Variants in GUCY2D observed in about 807,000 individuals in gnomAD.
GUCY2D encodes the protein retinal guanylyl cyclase 1.
GUCY2D carries 70 observed loss-of-function variants against 101.3 expected under a neutral mutation model. The observed-to-expected ratio is 0.69, with a 90% CI of 0.57 to 0.84. The LOEUF is 0.84. Among genes scored for constraint, GUCY2D ranks in the 40% least tolerant of loss-of-function variants. GUCY2D has a pLI of 0.00. For missense variants in GUCY2D, 1,460 were observed against 1,542.5 expected, an observed-to-expected ratio of 0.95 and a Z score of 0.90; for synonymous variants, 688 against 670.7, an observed-to-expected ratio of 1.03 and a Z score of -0.40.
chr17:8,012,974 G>A (rs1198203087), intron 10 of GUCY2D, 129 bp from the exon 11 acceptor site: 1 of 757,224 alleles, frequency 1.3e-6, no homozygotes, highest in East Asian at 2.6e-5. Context: ...TGCAGGGCTG[G>A]TCTCAGGTTG....
rs1975922179 is a variant in GUCY2D, at chr17:8,014,541, A to G, written c.2413-60A>G. On this transcript the variant is annotated intron_variant, in intron 12 of 19. Coordinates refer to ENST00000254854, the MANE Select transcript of GUCY2D (RefSeq NM_000180.4). This position sits in a 1 kb window ranked among gnomAD's most constrained non-coding sequence, Gnocchi z 4.0. ...CCATGAGAGGGCCCATGAGGGGGGC[A>G]TAAAGAGGGCATGGCAACCCAGGTC... 6.5e-7 allele frequency: 1 copy of G among 1,539,104 alleles called. No individual in the cohort carries two copies. The highest frequency in any genetic ancestry group is 1.4e-5 in the African/African-American group (1 of 73,430).
At chr17:8,017,670 G>A (rs1322001233) in intron 19 of GUCY2D, among the ~76,000 whole-genome samples, 3 of 152,156 alleles carry the variant, frequency 2.0e-5, no homozygotes, top group African/African-American at 7.2e-5. Flanking sequence ...GCAAGCAGTT[G>A]GACAGAAAAT....
chr17:8,003,811 C>T lies in GUCY2D; in HGVS notation c.722-41C>T, dbSNP rs770374274. The T allele has an allele frequency of 4.4e-6, 7 of 1,602,938 alleles. No individual in the cohort carries two copies. In the Admixed American group the frequency reaches 1.0e-4, roughly 23 times the overall value. On this transcript the variant is annotated intron_variant, in intron 2 of 19. Coordinates refer to ENST00000254854, the MANE Select transcript of GUCY2D (RefSeq NM_000180.4). ...GTGCGAGGAGGTCGGCTGGTCCTGC[C>T]GGCAGCCGGACGGCGCCGCGAGCCA...
rs761484472 is a variant in GUCY2D, at chr17:8,011,449, C to G, written c.1750-695C>G. Reference sequence around the variant, plus strand: ...TCCTCCCTGGCTCTCCCAGCAAAGGCTGTTAAATCAGGAGAGGATGGTGGT... The same window carrying G: ...TCCTCCCTGGCTCTCCCAGCAAAGGGTGTTAAATCAGGAGAGGATGGTGGT... On this transcript the variant is annotated intron_variant, in intron 8 of 19. Coordinates refer to ENST00000254854, the MANE Select transcript of GUCY2D (RefSeq NM_000180.4). This position sits in a 1 kb window ranked among gnomAD's most constrained non-coding sequence, Gnocchi z 4.3. Among the ~76,000 whole-genome samples, 4 of 152,126 alleles carry G rather than the reference C, an allele frequency of 2.6e-5. No homozygotes were observed. The highest frequency in any genetic ancestry group is 4.4e-5 in the Non-Finnish European group (3 of 68,030).
In GUCY2D at chr17:8,015,458, A is replaced by ATATGCCTGAGG; in HGVS notation, c.2902_2912dup (p.Pro972CysfsTer10). 1 of 1,613,742 alleles carries ATATGCCTGAGG rather than the reference A, an allele frequency of 6.2e-7. No homozygotes were observed. Among genetic ancestry groups the ATATGCCTGAGG allele is most frequent in the Non-Finnish European group, 8.5e-7 (1 of 1,179,950 alleles). On this transcript the variant is annotated frameshift_variant, in exon 15 of 20. Transcript: ENST00000254854. LOFTEE classifies it high-confidence loss of function. ...GCCGTGGGCACTTTCCGCATGCGCC[A>ATATGCCTGAGG]TATGCCTGAGGTTCCCGTGCGCATC...
At position 8,004,075 on chromosome 17, in the gene GUCY2D, T is replaced by A; in HGVS notation, c.945T>A (p.Cys315Ter). The A allele has an allele frequency of 6.2e-7, 1 of 1,606,184 alleles. No individual in the cohort carries two copies. Among genetic ancestry groups the A allele is most frequent in the Non-Finnish European group, 8.5e-7 (1 of 1,179,884 alleles). ...CCGTGCTCACCCTCACGCGCCACTG[T>A]CCCTCTGAAGGCAGCGTGCTGGACA... is the stretch of plus-strand genomic sequence containing the variant. ...HDAVLTLTRH[C>*]PSEGSVLDSL... Residue 315 changes from cysteine to a stop codon, truncating the protein, a stop_gained, in exon 3 of 20, where the codon TGT (cysteine) becomes TGA (stop). Coordinates refer to ENST00000254854, the MANE Select transcript of GUCY2D (RefSeq NM_000180.4). LOFTEE classifies it high-confidence loss of function.
At position 8,003,862 on chromosome 17, in the gene GUCY2D, G is replaced by T. The variant is rs752057528; in HGVS notation, c.732G>T (p.Met244Ile). 1 of 1,612,418 alleles carries T rather than the reference G, an allele frequency of 6.2e-7. No homozygotes were observed. The highest frequency in any genetic ancestry group is 8.5e-7 in the Non-Finnish European group (1 of 1,179,738). Residue 244 changes from methionine to isoleucine, a missense_variant, in exon 3 of 20, where the codon ATG becomes ATT. Met to Ile is a conservative substitution (Grantham distance 10, BLOSUM62 1). Transcript: ENST00000254854. ...AGCCTCTGTCCGCAGCAGTGATCAT[G>T]GTGATGCACTCGGTGCTGCTGGGTG... ...RDGPRVTAVI[M>I]VMHSVLLGGE...
chr17:8,019,911 T>C (rs1400375367), intron 19 of GUCY2D, among the ~76,000 whole-genome samples: 1 of 152,034 alleles, frequency 6.6e-6, no homozygotes, highest in Non-Finnish European at 1.5e-5. Context: ...CCTTCAGATG[T>C]GTTTACACTA....
Position 8,013,633 on chromosome 17 carries a change from C to T in GUCY2D, c.2264-247C>T. On this transcript the variant is annotated intron_variant, in intron 11 of 19. Transcript: ENST00000254854. The surrounding 1 kb of genome is among the most constrained non-coding windows in gnomAD (Gnocchi z 5.0). ...ACCTATCCCTCACTTGTCTTACATA[C>T]AATATGTTAGTTTCTTTGCCTATGT... 3.4e-6 allele frequency: 2 copies of T among 591,374 alleles called. No homozygotes were observed. The highest frequency in any genetic ancestry group is 3.0e-5 in the Admixed American group (1 of 33,696). 36.6% of individuals were successfully genotyped at this position (591,374 alleles called of 1,614,324 possible). A position where few individuals can be genotyped will look rare whatever the true frequency, so the allele number is the denominator to read the frequency against.
chr17:8,010,707 G>A (rs1210193833), intron 8 of GUCY2D, among the ~76,000 whole-genome samples: 1 of 151,608 alleles, frequency 6.6e-6, no homozygotes, highest in Admixed American at 6.6e-5. Context: ...ACTGTGGGAG[G>A]CTGAGGCAGA....
At position 8,014,065 on chromosome 17, in the gene GUCY2D, T is replaced by C. The variant is rs148924873; in HGVS notation, c.2412+37T>C. 7.9e-4 allele frequency: 1,264 copies of C among 1,592,356 alleles called. 8 individuals are homozygous for C. In the African/African-American group the frequency reaches 0.015, roughly 18 times the overall value. ...GGAGTGGGCAAGGACTGGGCTGGCCTCTGGGATCCCAGATGCTTGTCAGCA... is the reference window on the plus strand; with the variant it reads ...GGAGTGGGCAAGGACTGGGCTGGCCCCTGGGATCCCAGATGCTTGTCAGCA... On this transcript the variant is annotated intron_variant, in intron 12 of 19. Transcript: ENST00000254854. This position sits in a 1 kb window ranked among gnomAD's most constrained non-coding sequence, Gnocchi z 4.0.
intron 19 of GUCY2D, among the ~76,000 whole-genome samples, chr17:8,019,681 T>A (rs971806211): frequency 6.6e-6 from 1 of 152,248 alleles, no homozygotes; most frequent in Non-Finnish European, 1.5e-5. Context: ...TCTATTCTCC[T>A]GTCTTTGTGT....
Position 8,013,786 on chromosome 17 carries a change from C to T in GUCY2D, c.2264-94C>T. 1 of 1,014,280 alleles carries T rather than the reference C, an allele frequency of 9.9e-7. No individual in the cohort carries two copies. The highest frequency in any genetic ancestry group is 1.3e-5 in the South Asian group (1 of 75,280). The allele number at this position is 1,014,280 out of a possible 1,614,324, so 62.8% of individuals were successfully genotyped here. A position where few individuals can be genotyped will look rare whatever the true frequency, so the allele number is the denominator to read the frequency against. Reference sequence around the variant, plus strand: ...TAAAGAAACCCCTGCCAGGCACCCCCTCCCACATCTTGGTCTTCAACAGTC... The same window carrying T: ...TAAAGAAACCCCTGCCAGGCACCCCTTCCCACATCTTGGTCTTCAACAGTC... On this transcript the variant is annotated intron_variant, in intron 11 of 19. Transcript: ENST00000254854. The surrounding 1 kb of genome is among the most constrained non-coding windows in gnomAD (Gnocchi z 5.0).
rs1308346105 is a variant in GUCY2D, at chr17:8,011,789, G to A, written c.1750-355G>A. Among the ~76,000 whole-genome samples the A allele has an allele frequency of 5.9e-5, 9 of 152,170 alleles. No individual in the cohort carries two copies. In the Middle Eastern group the frequency reaches 0.014, roughly 230 times the overall value. On this transcript the variant is annotated intron_variant, in intron 8 of 19. Coordinates refer to ENST00000254854, the MANE Select transcript of GUCY2D (RefSeq NM_000180.4). The surrounding 1 kb of genome is among the most constrained non-coding windows in gnomAD (Gnocchi z 4.3). ...GGTAGCAGTGATTTATGATCATGCC[G>A]CTGCACTCCAGTCTGGGCAACAGAG...
chr17:8,010,089 T>G (rs1452077004), intron 8 of GUCY2D, among the ~76,000 whole-genome samples: 1 of 152,156 alleles, frequency 6.6e-6, no homozygotes, highest in African/African-American at 2.4e-5. Context: ...TGCAATTGTA[T>G]GTTCATCTGT....
rs563208176 is a variant in GUCY2D, at chr17:8,004,094, C to T, written c.964C>T (p.Leu322=). The change falls in exon 3 of 20, where the codon CTG becomes TTG. Residue 322 remains leucine (L), a synonymous_variant. Coordinates refer to ENST00000254854, the MANE Select transcript of GUCY2D (RefSeq NM_000180.4). ...CCACTGTCCCTCTGAAGGCAGCGTGCTGGACAGCCTGCGCAGGGCTCAAGA... is the reference window on the plus strand; with the variant it reads ...CCACTGTCCCTCTGAAGGCAGCGTGTTGGACAGCCTGCGCAGGGCTCAAGA... ...TRHCPSEGSV[L]DSLRRAQERR... The T allele has an allele frequency of 3.8e-5, 61 of 1,603,278 alleles. 1 individual carries two copies. In the South Asian group the frequency reaches 6.5e-4, roughly 17 times the overall value.
chr17:8,015,163 C>G, intron 14 of GUCY2D, 112 bp downstream of exon 14: 1 of 1,122,124 alleles, frequency 8.9e-7, no homozygotes. Context: ...TCTTCTTTCC[C>G]AGACCTCCTG....
rs377279983 is a variant in GUCY2D at position 8,015,066 on chromosome 17, G to A, written c.2769+15G>A. ...ATGTCTACAAGGTGCAGTGTGTAGG[G>A]GACAAGCCCTCCTGACCTTCAATTC... On this transcript the variant is annotated intron_variant, in intron 14 of 19. Transcript: ENST00000254854. 4.3e-5 allele frequency: 69 copies of A among 1,607,530 alleles called. No homozygotes were observed. The African/African-American group carries it at 8.7e-4, about 20-fold the overall frequency.
intron 19 of GUCY2D, 34 bp downstream of exon 19, chr17:8,016,588 C>T: frequency 9.1e-7 from 1 of 1,098,190 alleles, no homozygotes; most frequent in Non-Finnish European, 1.3e-6. Flanking sequence ...CCAGCTGCCG[C>T]GTCCCCTCTG....
Sources: gnomAD v4.1 joint callset for allele counts (sites outside exome capture counted in the v4.1 genomes callset) on GRCh38, gnomAD v4.1.1 for gene constraint, Gnocchi (gnomAD v3.1) non-coding constraint, MANE v1.5 for transcripts, NCBI Gene and HGNC (gene_info 2026-07-23, HGNC 2026-07-21) for gene names.